Variants in MAEL observed in about 807,000 individuals in gnomAD.
MAEL encodes maelstrom spermatogenic transposon silencer.
Under a neutral mutation model 62.0 loss-of-function variants are expected in MAEL, and 46 were observed. The observed-to-expected ratio is 0.74, with a 90% CI of 0.59 to 0.95. The LOEUF (loss-of-function observed/expected upper bound fraction) is 0.95, where lower values mean the gene tolerates loss of function less well. Among genes scored for constraint, MAEL ranks in the 40% least tolerant of loss-of-function variants. The probability of loss-of-function intolerance (pLI) is 0.00; values close to 1 mark genes in which losing one functional copy is unlikely to be tolerated. For missense variants in MAEL, 497 were observed against 526.8 expected, an observed-to-expected ratio of 0.94 and a Z score of 0.55; for synonymous variants, 172 against 175.5, an observed-to-expected ratio of 0.98 and a Z score of 0.16.
At chr1:166,977,666 C>A (rs1663633861) in intron 1 of MAEL, among the ~76,000 whole-genome samples, 1 of 152,148 alleles carries the variant, frequency 6.6e-6, no homozygotes, top group African/African-American at 2.4e-5. Flanking sequence ...ATAACAGTGG[C>A]ATTTTGGCCA....
At chr1:167,021,535 AC>A in intron 11 of MAEL, 132 bp from the exon 12 acceptor site, 1 of 645,434 alleles carries the variant, frequency 1.5e-6, no homozygotes, top group Non-Finnish European at 2.5e-6. Flanking sequence ...TGGGCTAAAA[AC>A]AAAAACATTT....
intron 9 of MAEL, among the ~76,000 whole-genome samples, chr1:167,017,545 C>G (rs914731246): frequency 5.9e-5 from 9 of 152,118 alleles, no homozygotes; most frequent in African/African-American, 2.2e-4. Context: ...CTCTCCTTGC[C>G]TTAAACATTT....
chr1:167,000,859 AAGT>A (rs1664630851), intron 5 of MAEL, among the ~76,000 whole-genome samples: 1 of 152,218 alleles, frequency 6.6e-6, no homozygotes, highest in African/African-American at 2.4e-5. Flanking sequence ...AATGAACTAA[AAGT>A]AGAACTACCA....
intron 5 of MAEL, 122 bp downstream of exon 5, chr1:166,994,191 A>G (rs1664308706): frequency 1.2e-6 from 1 of 842,532 alleles, no homozygotes; most frequent in Non-Finnish European, 1.8e-6. Context: ...TTGTTAGAGA[A>G]TCTGCATAGA....
chr1:166,997,825 A>G (rs548157036), intron 5 of MAEL, among the ~76,000 whole-genome samples: 1 of 152,344 alleles, frequency 6.6e-6, no homozygotes, highest in East Asian at 1.9e-4. Context: ...TAAAAATTAT[A>G]GAGCTTTATT....
intron 8 of MAEL, among the ~76,000 whole-genome samples, chr1:167,010,888 C>A (rs73026798): frequency 0.056 from 8,541 of 152,252 alleles, 476 homozygotes; most frequent in African/African-American, 0.15. Context: ...GAACCTTCCT[C>A]TCTGTCAATG....
At position 167,021,734 on chromosome 1, in the gene MAEL, G is replaced by T; in HGVS notation, c.1184G>T (p.Arg395Leu). Reference protein sequence around the residue: ...NSSVRGRGITRLLESISNSSS... With the variant: ...NSSVRGRGITLLLESISNSSS... ...AGCGTTCGGGGAAGAGGAATTACCC[G>T]CTTACTAGAGAGCATTTCCAATTCT... The change falls in exon 12 of 12, where the codon CGC (arginine) becomes CTC (leucine). Residue 395 changes from arginine to leucine, a missense_variant. By Grantham distance (102) the Arg-to-Leu change is moderately radical. Coordinates refer to ENST00000367872, the MANE Select transcript of MAEL (RefSeq NM_032858.3). 1 of 1,613,284 alleles carries T rather than the reference G, an allele frequency of 6.2e-7. No homozygotes were observed. Among genetic ancestry groups the T allele is most frequent in the Non-Finnish European group, 8.5e-7 (1 of 1,179,664 alleles).
intron 5 of MAEL, among the ~76,000 whole-genome samples, chr1:166,998,334 A>G (rs1664515945): frequency 6.6e-6 from 1 of 152,224 alleles, no homozygotes; most frequent in Admixed American, 6.5e-5. Context: ...CAATCTGAAT[A>G]TCATTTGTTA....
rs1040372814 is a variant in MAEL at position 167,002,158 on chromosome 1, A to G, written c.524-2022A>G. Among the ~76,000 whole-genome samples, 3 of 152,188 alleles carry G rather than the reference A, an allele frequency of 2.0e-5. No individual in the cohort carries two copies. In the East Asian group the frequency reaches 5.8e-4, roughly 29 times the overall value. Reference sequence around the variant, plus strand: ...AGTGTGGTCACTATATATTTTACATATAATATACCGAGTTTGGTTTGTTAC... The same window carrying G: ...AGTGTGGTCACTATATATTTTACATGTAATATACCGAGTTTGGTTTGTTAC... On this transcript the variant is annotated intron_variant, in intron 5 of 11. Coordinates refer to ENST00000367872, the MANE Select transcript of MAEL (RefSeq NM_032858.3).
intron 10 of MAEL, among the ~76,000 whole-genome samples, chr1:167,019,060 C>G (rs1335089980): frequency 6.6e-6 from 1 of 152,192 alleles, no homozygotes; most frequent in African/African-American, 2.4e-5. Flanking sequence ...CAAGACCCTT[C>G]TCTACCCTCC....
At chr1:167,015,763 C>G (rs1023959916) in intron 8 of MAEL, among the ~76,000 whole-genome samples, 1 of 152,086 alleles carries the variant, frequency 6.6e-6, no homozygotes, top group South Asian at 2.1e-4. Flanking sequence ...AAATAAAGTT[C>G]TATCCTTAGA....
chr1:166,994,033 A>G lies in MAEL; in HGVS notation c.487A>G (p.Ile163Val). ...DFHSFINPGE[I>V]PRGFRFHCQA... ...CAAGATATTTTGTATTATAGGTGAA[A>G]TTCCACGAGGATTTCGATTTCATTG... Residue 163 changes from isoleucine (I) to valine (V), a missense_variant, in exon 5 of 12, where the codon ATT (isoleucine) becomes GTT (valine). Transcript: ENST00000367872. 6.2e-7 allele frequency: 1 copy of G among 1,613,034 alleles called. No homozygotes were observed. Among genetic ancestry groups the G allele is most frequent in the South Asian group, 1.1e-5 (1 of 90,846 alleles).
chr1:166,989,194 T>C, upstream of MAEL: 2 of 976,256 alleles, frequency 2.0e-6, no homozygotes, highest in South Asian at 1.7e-5. Flanking sequence ...TCAGGCTGTT[T>C]GTTCCCCCGC....
intron 11 of MAEL, 74 bp from the exon 12 acceptor site, chr1:167,021,594 G>C (rs1245308200): frequency 2.9e-6 from 3 of 1,033,456 alleles, no homozygotes; most frequent in Non-Finnish European, 4.2e-6. Context: ...GGATGAGTCA[G>C]TTAATTGAGG....
At chr1:167,006,797 A>T (rs547283649) in intron 8 of MAEL, among the ~76,000 whole-genome samples, 1 of 151,356 alleles carries the variant, frequency 6.6e-6, no homozygotes, top group Non-Finnish European at 1.5e-5. Context: ...CACCATGCCC[A>T]GCTAATTTTT....
intron 8 of MAEL, among the ~76,000 whole-genome samples, chr1:167,011,978 A>C (rs1329957209): frequency 6.6e-6 from 1 of 152,174 alleles, no homozygotes; most frequent in African/African-American, 2.4e-5. Context: ...GATTTTGTTA[A>C]AGGTAAAACT....
rs1665613529 is a variant in MAEL at position 167,021,155 on chromosome 1, C to T, written c.1112C>T (p.Pro371Leu). 6.2e-7 allele frequency: 1 copy of T among 1,609,498 alleles called. No individual in the cohort carries two copies. Among genetic ancestry groups the T allele is most frequent in the Non-Finnish European group, 8.5e-7 (1 of 1,176,562 alleles). ...AATGAGGAACAAAGATCAAACACACCCATTGGTAAGCAACTTATATTTTAC... is the reference window on the plus strand; with the variant it reads ...AATGAGGAACAAAGATCAAACACACTCATTGGTAAGCAACTTATATTTTAC... ...SSNEEQRSNT[P>L]IGDYPSRAKI... The change falls in exon 11 of 12, where the codon CCC (proline) becomes CTC (leucine). Residue 371 changes from proline (P) to leucine (L), a missense_variant. Transcript: ENST00000367872.
chr1:167,014,594 T>C (rs1048182104), intron 8 of MAEL, among the ~76,000 whole-genome samples: 12 of 152,160 alleles, frequency 7.9e-5, no homozygotes, highest in Non-Finnish European at 5.9e-5. Flanking sequence ...GTTGTTAGGG[T>C]TTAAAAACTG....
intron 5 of MAEL, among the ~76,000 whole-genome samples, chr1:167,001,946 A>G (rs149120511): frequency 1.3e-3 from 199 of 152,146 alleles, no homozygotes; most frequent in African/African-American, 4.6e-3. Flanking sequence ...ACGCCCAGCT[A>G]ATTTTTGTAT....
Sources: allele counts gnomAD v4.1 joint callset (sites outside exome capture counted in the v4.1 genomes callset), GRCh38; gene constraint gnomAD v4.1.1; transcripts MANE v1.5; gene names NCBI Gene and HGNC (gene_info 2026-07-23, HGNC 2026-07-21).